COL9A3: variants seen among roughly 807,000 people sequenced by gnomAD.
The protein encoded by COL9A3 is collagen type IX alpha 3 chain.
A neutral mutation model predicts 110.2 loss-of-function variants in COL9A3; 82 were observed. The ratio of observed to expected loss-of-function variants is 0.74; its 90% CI spans 0.62 to 0.89. COL9A3 has a LOEUF of 0.89. Ranked by LOEUF, COL9A3 falls within the 40% of genes least tolerant of loss-of-function variation. The pLI, the probability that COL9A3 is intolerant of heterozygous loss-of-function variation, is 0.00. For synonymous variants in COL9A3, 494 were observed against 403.8 expected, an observed-to-expected ratio of 1.22 and a Z score of -2.68; for missense variants, 1,066 against 981.3, an observed-to-expected ratio of 1.09 and a Z score of -1.15.
chr20:62,824,861 G>C, intron 11 of COL9A3, 107 bp from the exon 12 acceptor site: 2 of 1,208,884 alleles, frequency 1.7e-6, no homozygotes, highest in Non-Finnish European at 2.4e-6. Flanking sequence ...GTGCGCTGCC[G>C]TGTGGCGGGC....
intron 31 of COL9A3, among the ~76,000 whole-genome samples, chr20:62,839,058 G>A (rs2063655314): frequency 1.3e-5 from 2 of 152,088 alleles, no homozygotes; most frequent in Admixed American, 6.6e-5. Flanking sequence ...AACCCCATCT[G>A]TATTAAAAAT....
intron 6 of COL9A3, 119 bp downstream of exon 6, chr20:62,821,335 C>A: frequency 7.4e-7 from 1 of 1,346,576 alleles, no homozygotes; most frequent in Non-Finnish European, 1.0e-6. Context: ...CATCTGCAGC[C>A]TCTCCGGAGG....
chr20:62,817,592 GC>G lies in COL9A3; in HGVS notation c.110del (p.Pro37GlnfsTer51), dbSNP rs754423603. ...AQRVGLPGPP[G>X]PPGPPGKPGQ... is the part of the protein sequence containing the mutation. Reference sequence around the variant, plus strand: ...AGAGTGGGACTCCCCGGCCCCCCCGGCCCCCCAGGGCCGCCCGGGAAGCCCG... The same window carrying G: ...AGAGTGGGACTCCCCGGCCCCCCCGGCCCCCAGGGCCGCCCGGGAAGCCCG... On this transcript the variant is annotated frameshift_variant, in exon 2 of 32. Coordinates refer to ENST00000649368, the MANE Select transcript of COL9A3 (RefSeq NM_001853.4). LOFTEE classifies it high-confidence loss of function. 2.6e-6 allele frequency: 4 copies of G among 1,546,672 alleles called. No homozygotes were observed. The highest frequency in any genetic ancestry group is 2.5e-5 in the East Asian group (1 of 40,808).
rs199886210 is a variant in COL9A3, at chr20:62,837,187, T to C, written c.1708T>C (p.Ser570Pro). 325 of 1,612,560 alleles carry C rather than the reference T, an allele frequency of 2.0e-4. No homozygotes were observed. Among genetic ancestry groups the C allele is most frequent in the Admixed American group, 4.7e-4 (28 of 59,996 alleles). ...GPPGPPGPPG[S>P]IGHPGARGPP... is the part of the protein sequence containing the mutation. Reference sequence around the variant, plus strand: ...CCCTGGGCCCCCAGGACCCCCAGGCTCCATTGGTCACCCTGGCGCTCGAGG... The same window carrying C: ...CCCTGGGCCCCCAGGACCCCCAGGCCCCATTGGTCACCCTGGCGCTCGAGG... The change falls in exon 30 of 32, where the codon TCC becomes CCC. Residue 570 changes from serine (S) to proline (P), a missense_variant. By Grantham distance (74) the Ser-to-Pro change is moderately conservative (BLOSUM62 -1). Transcript: ENST00000649368.
At position 62,834,336 on chromosome 20, in the gene COL9A3, C is replaced by G. The variant is rs2063619101; in HGVS notation, c.1368+1272C>G. Among the ~76,000 whole-genome samples, 3 of 152,306 alleles carry G rather than the reference C, an allele frequency of 2.0e-5. 1 individual carries two copies. The Middle Eastern group carries it at 0.01, about 518-fold the overall frequency. On this transcript the variant is annotated intron_variant, in intron 26 of 31. Coordinates refer to ENST00000649368, the MANE Select transcript of COL9A3 (RefSeq NM_001853.4). ...ACAGCTGGTTTTTAACTGAAGAAAA[C>G]TCCACTTCCACAGGCCTAAAACTCA...
chr20:62,818,037 G>A (rs2294985), intron 2 of COL9A3, among the ~76,000 whole-genome samples: 3,132 of 152,282 alleles, frequency 0.021, 101 homozygotes, highest in East Asian at 0.13. Context: ...AGCCGACTCA[G>A]TCCTGAGATG....
At chr20:62,825,531 C>T in intron 12 of COL9A3, 1 of 552,350 alleles carries the variant, frequency 1.8e-6, no homozygotes, top group Non-Finnish European at 3.3e-6. Flanking sequence ...ACCCCAGGTG[C>T]ACATCAGAGG....
chr20:62,822,285 C>A, intron 9 of COL9A3, 121 bp downstream of exon 9: 1 of 763,468 alleles, frequency 1.3e-6, no homozygotes, highest in South Asian at 1.4e-5. Context: ...CCTAACTTGG[C>A]CACTCCCAGG....
intron 3 of COL9A3, among the ~76,000 whole-genome samples, 197 bp downstream of exon 3, chr20:62,818,750 A>G (rs1040718519): frequency 6.6e-6 from 1 of 152,178 alleles, no homozygotes. Context: ...CTGCATGTTC[A>G]GGGCAGGGCC....
In COL9A3 at chr20:62,836,531, CG is replaced by C; in HGVS notation, c.1603+1del. 6.2e-7 allele frequency: 1 copy of C among 1,610,018 alleles called. No homozygotes were observed. Among genetic ancestry groups the C allele is most frequent in the Non-Finnish European group, 8.5e-7 (1 of 1,178,202 alleles). On this transcript the variant is annotated frameshift_variant and splice_region_variant, in exon 29 of 32. Coordinates refer to ENST00000649368, the MANE Select transcript of COL9A3 (RefSeq NM_001853.4). LOFTEE classifies it high-confidence loss of function. ...GGGAGCTGTGTGGGGGGATGATCAGCGGTAAGTCAGCCACGTGCACCGGCTG... is the reference window on the plus strand; with the variant it reads ...GGGAGCTGTGTGGGGGGATGATCAGCGTAAGTCAGCCACGTGCACCGGCTG... ...IRELCGGMIS[E>X]QIAQLAAHLR...
chr20:62,826,800 C>T lies in COL9A3; in HGVS notation c.772C>T (p.Pro258Ser), dbSNP rs762364826. The part of the protein sequence containing the change: ...PIGFRGPPGI[P>S]GAPGKAGDRG... ...TGGGTTCCGAGGGCCGCCTGGGATC[C>T]CAGGAGCGCCTGGGAAAGCGGTACG... Residue 258 changes from proline (P) to serine (S), a missense_variant, in exon 15 of 32, where the codon CCA becomes TCA. By Grantham distance (74) the Pro-to-Ser change is moderately conservative. Transcript: ENST00000649368. 3 of 1,612,824 alleles carry T rather than the reference C, an allele frequency of 1.9e-6. 1 individual carries two copies. Among genetic ancestry groups the T allele is most frequent in the Middle Eastern group, 3.3e-4 (2 of 6,058 alleles).
chr20:62,822,098 A>AC lies in COL9A3; in HGVS notation c.424-8dup. The AC allele has an allele frequency of 1.3e-6, 2 of 1,514,512 alleles. No individual in the cohort carries two copies. Among genetic ancestry groups the AC allele is most frequent in the East Asian group, 4.5e-5 (2 of 44,384 alleles). 93.8% of individuals were successfully genotyped at this position (1,514,512 alleles called of 1,614,324 possible). ...GCTGGTCCCACTCTGTCTAAGTCAT[A>AC]CCCCCTCCCCAGGGACCTTCTGGAC... On this transcript the variant is annotated splice_polypyrimidine_tract_variant and intron_variant, in intron 8 of 31. Transcript: ENST00000649368.
At chr20:62,822,288 C>A in intron 9 of COL9A3, 124 bp downstream of exon 9, 1 of 754,502 alleles carries the variant, frequency 1.3e-6, no homozygotes, top group Non-Finnish European at 2.4e-6. Context: ...AACTTGGCCA[C>A]TCCCAGGAAC....
intron 20 of COL9A3, 44 bp from the exon 21 acceptor site, chr20:62,829,584 A>G (rs1203023739): frequency 1.2e-6 from 2 of 1,610,744 alleles, no homozygotes; most frequent in Non-Finnish European, 1.7e-6. Context: ...ACCTGGCCCC[A>G]GTGCAGGTGT....
intron 19 of COL9A3, 82 bp from the exon 20 acceptor site, chr20:62,829,373 C>T: frequency 1.3e-6 from 2 of 1,577,720 alleles, no homozygotes; most frequent in Middle Eastern, 1.9e-4. Context: ...GCCCCTGCAC[C>T]CTGCCTGCGT....
chr20:62,839,248 A>C lies in COL9A3; in HGVS notation c.1864+487A>C, dbSNP rs1600813707. The stretch of plus-strand genomic sequence containing the variant: ...TCCATCTCAAAAAAAAAAAAGTTTA[A>C]TCAGTAAGCAGATCCTCCTGGATCT... On this transcript the variant is annotated intron_variant, in intron 31 of 31. Transcript: ENST00000649368. Among the ~76,000 whole-genome samples, 3 of 151,896 alleles carry C rather than the reference A, an allele frequency of 2.0e-5. No individual in the cohort carries two copies. The South Asian group carries it at 6.3e-4, about 32-fold the overall frequency.
intron 13 of COL9A3, 32 bp downstream of exon 13, chr20:62,825,902 T>A: frequency 6.4e-7 from 1 of 1,553,060 alleles, no homozygotes; most frequent in Non-Finnish European, 8.7e-7. Context: ...GATGGTGGGA[T>A]GGGAACTCAG....
chr20:62,821,574 C>T, intron 7 of COL9A3, 44 bp downstream of exon 7: 1 of 1,612,468 alleles, frequency 6.2e-7, no homozygotes, highest in Non-Finnish European at 8.5e-7. Context: ...GCACGCAAGT[C>T]CCGAGAGCCT....
chr20:62,821,347 T>C (rs1181214481), intron 6 of COL9A3, 131 bp downstream of exon 6: 1 of 1,335,746 alleles, frequency 7.5e-7, no homozygotes. Context: ...CTCCGGAGGC[T>C]GGTGCCTGGA....
Sources: allele counts gnomAD v4.1 joint callset (sites outside exome capture counted in the v4.1 genomes callset), GRCh38; gene constraint gnomAD v4.1.1; transcripts MANE v1.5; gene names NCBI Gene and HGNC (gene_info 2026-07-23, HGNC 2026-07-21).